Variants in NLGN1 observed in about 807,000 individuals in gnomAD.
NLGN1 encodes the protein neuroligin-1.
NLGN1 carries 12 observed loss-of-function variants against 65.5 expected under a neutral mutation model. The observed-to-expected ratio is 0.18, with a 90% CI of 0.12 to 0.30. The LOEUF (loss-of-function observed/expected upper bound fraction) is 0.30, where lower values mean the gene tolerates loss of function less well. Ranked by LOEUF, NLGN1 falls within the 10% of genes least tolerant of loss-of-function variation. The pLI, the probability that NLGN1 is intolerant of heterozygous loss-of-function variation, is 1.00. For missense variants in NLGN1, 750 were observed against 1,007.1 expected, an observed-to-expected ratio of 0.74 and a Z score of 3.46; for synonymous variants, 350 against 359.5, an observed-to-expected ratio of 0.97 and a Z score of 0.30.
chr3:174,290,703 T>C (rs1752670619), downstream of NLGN1, among the ~76,000 whole-genome samples: 1 of 151,086 alleles, frequency 6.6e-6, no homozygotes, highest in Non-Finnish European at 1.5e-5. Flanking sequence ...AAAATTCCTG[T>C]AGTTTAAATA....
At chr3:173,766,198 C>T (rs9985492) in intron 3 of NLGN1, among the ~76,000 whole-genome samples, 87,703 of 151,208 alleles carry the variant, frequency 0.58, 26,639 homozygotes, top group Non-Finnish European at 0.68. Context: ...AAGCAATTCT[C>T]CTGCCTCAGC....
At chr3:173,888,875 T>G (rs1408774448) in intron 4 of NLGN1, among the ~76,000 whole-genome samples, 1 of 152,132 alleles carries the variant, frequency 6.6e-6, no homozygotes, top group Admixed American at 6.6e-5. Flanking sequence ...CACTTGAATA[T>G]GGACTATTGA....
At chr3:174,122,906 T>G in intron 4 of NLGN1, among the ~76,000 whole-genome samples, 1 of 151,936 alleles carries the variant, frequency 6.6e-6, no homozygotes, top group Middle Eastern at 3.4e-3. Context: ...TTAATAAAAA[T>G]AAAATGTAAT....
chr3:173,944,235 A>G (rs1417776917), intron 4 of NLGN1, among the ~76,000 whole-genome samples: 1 of 151,908 alleles, frequency 6.6e-6, no homozygotes, highest in Non-Finnish European at 1.5e-5. Flanking sequence ...ATTTTATAAT[A>G]TAAGGTGTAC....
chr3:174,140,388 T>C (rs1722062682), intron 4 of NLGN1, among the ~76,000 whole-genome samples: 1 of 152,166 alleles, frequency 6.6e-6, no homozygotes, highest in South Asian at 2.1e-4. Flanking sequence ...AGTTTCATAG[T>C]TTGGGTAAAT....
intron 4 of NLGN1, among the ~76,000 whole-genome samples, chr3:174,259,817 A>G (rs1746509078): frequency 6.8e-6 from 1 of 146,970 alleles, no homozygotes; most frequent in Middle Eastern, 3.4e-3. Context: ...TATATCTCCC[A>G]ATGCTATCCC....
At chr3:173,753,875 A>G (rs375800309) in intron 3 of NLGN1, among the ~76,000 whole-genome samples, 38 of 150,774 alleles carry the variant, frequency 2.5e-4, no homozygotes, top group African/African-American at 8.7e-4. Flanking sequence ...CTCTACCCTC[A>G]GAATCTTTAA....
At chr3:173,560,838 G>T (rs144203901) in intron 2 of NLGN1, among the ~76,000 whole-genome samples, 1 of 152,046 alleles carries the variant, frequency 6.6e-6, no homozygotes, top group African/African-American at 2.4e-5. Context: ...GAAGTTCTTC[G>T]GAATTTGCAA....
intron 2 of NLGN1, among the ~76,000 whole-genome samples, chr3:173,548,048 C>G (rs190314898): frequency 6.6e-6 from 1 of 152,008 alleles, no homozygotes; most frequent in Admixed American, 6.6e-5. Flanking sequence ...AATTTACTTA[C>G]GCATTTACTT....
At chr3:173,923,823 A>G (rs1257942101) in intron 4 of NLGN1, among the ~76,000 whole-genome samples, 2 of 152,194 alleles carry the variant, frequency 1.3e-5, no homozygotes, top group Non-Finnish European at 2.9e-5. Flanking sequence ...GGTGATGATA[A>G]TTGAGTTGTC....
intron 2 of NLGN1, among the ~76,000 whole-genome samples, chr3:173,526,520 G>T (rs1735669548): frequency 6.6e-6 from 1 of 151,994 alleles, no homozygotes; most frequent in African/African-American, 2.4e-5. Context: ...GAGATATTTT[G>T]ATATAGGCAT....
At chr3:173,931,399 C>T (rs1391974219) in intron 4 of NLGN1, among the ~76,000 whole-genome samples, 1 of 152,074 alleles carries the variant, frequency 6.6e-6, no homozygotes, top group East Asian at 1.9e-4. Flanking sequence ...GTGGAGGGGG[C>T]TTGGGTCCCT....
intron 3 of NLGN1, among the ~76,000 whole-genome samples, chr3:173,689,988 G>A (rs535912534): frequency 2.6e-4 from 40 of 152,232 alleles, no homozygotes; most frequent in African/African-American, 8.2e-4. Context: ...TTAAGGTAAC[G>A]AATATAGGGA....
At position 174,248,342 on chromosome 3, in the gene NLGN1, TAGAC is replaced by T. The variant is rs370883532; in HGVS notation, c.647-26970_647-26967del. On this transcript the variant is annotated intron_variant, in intron 4 of 6. Transcript: ENST00000457714. ...CTAATAGGGAACAGAGTCAGGCAAA[TAGAC>T]AGTTGTTTATAAAGAATATCCACCA... Among the ~76,000 whole-genome samples, 471 of 152,304 alleles carry T rather than the reference TAGAC, an allele frequency of 3.1e-3. 2 individuals carry two copies. The highest frequency in any genetic ancestry group is 0.01 in the African/African-American group (433 of 41,568).
chr3:173,576,734 T>C (rs1336104589), intron 2 of NLGN1, among the ~76,000 whole-genome samples: 1 of 152,104 alleles, frequency 6.6e-6, no homozygotes, highest in Non-Finnish European at 1.5e-5. Flanking sequence ...ATTTGCAAAG[T>C]CTCTTTTGCC....
intron 2 of NLGN1, among the ~76,000 whole-genome samples, chr3:173,567,594 C>T (rs145345209): frequency 6.6e-6 from 1 of 151,392 alleles, no homozygotes; most frequent in African/African-American, 2.4e-5. Context: ...GTATGCTGAA[C>T]ATTTTACTGT....
chr3:173,824,099 A>G (rs932429966), intron 4 of NLGN1, among the ~76,000 whole-genome samples: 4 of 152,102 alleles, frequency 2.6e-5, no homozygotes, highest in African/African-American at 7.2e-5. Context: ...ACACAAAAGT[A>G]CAATAACACA....
chr3:174,065,311 GAGAC>G (rs1457192522), intron 4 of NLGN1, among the ~76,000 whole-genome samples: 1 of 150,322 alleles, frequency 6.7e-6, no homozygotes, highest in Non-Finnish European at 1.5e-5. Context: ...GGGAAACAGA[GAGAC>G]AGAGAGAAAG....
At chr3:174,030,188 C>A (rs192580559) in intron 4 of NLGN1, among the ~76,000 whole-genome samples, 116 of 145,498 alleles carry the variant, frequency 8.0e-4, no homozygotes, top group Middle Eastern at 7.5e-3. Context: ...TGCAATGGCA[C>A]AATCTCAGCT....
Sources: allele counts gnomAD v4.1 joint callset (sites outside exome capture counted in the v4.1 genomes callset), GRCh38; gene constraint gnomAD v4.1.1; transcripts MANE v1.5; gene names NCBI Gene and HGNC (gene_info 2026-07-23, HGNC 2026-07-21).